The following TRIP12 variants were observed in gnomAD, a reference collection of about 807,000 sequenced individuals.
TRIP12 encodes E3 ubiquitin-protein ligase TRIP12.
Under a neutral mutation model 244.2 loss-of-function variants are expected in TRIP12, and 25 were observed. That is an observed-to-expected ratio of 0.10 (90% CI 0.07 to 0.14). The LOEUF is 0.14. Among genes scored for constraint, TRIP12 ranks in the 10% least tolerant of loss-of-function variants. The pLI, the probability that TRIP12 is intolerant of heterozygous loss-of-function variation, is 1.00. For synonymous variants in TRIP12, 905 were observed against 873.1 expected, an observed-to-expected ratio of 1.04 and a Z score of -0.64; for missense variants, 1,677 against 2,486.4, an observed-to-expected ratio of 0.67 and a Z score of 6.92.
intron 30 of TRIP12, among the ~76,000 whole-genome samples, chr2:229,790,044 G>A (rs776215409): frequency 6.6e-5 from 10 of 152,064 alleles, no homozygotes; most frequent in African/African-American, 9.7e-5. Context: ...AGAAACAATG[G>A]CAAACAGTAA....
intron 4 of TRIP12, among the ~76,000 whole-genome samples, chr2:229,843,171 A>T (rs1019874255): frequency 6.8e-6 from 1 of 146,698 alleles, no homozygotes; most frequent in African/African-American, 2.5e-5. Flanking sequence ...ATTTACCTTT[A>T]TGATGCCACT....
upstream of TRIP12, chr2:229,922,476 C>T (rs769265279): frequency 5.6e-6 from 9 of 1,608,912 alleles, no homozygotes; most frequent in Non-Finnish European, 7.7e-6. Flanking sequence ...AGCCCCGCCC[C>T]TTCCTGGTTG....
chr2:229,887,073 T>C (rs1484443968), intron 1 of TRIP12, among the ~76,000 whole-genome samples: 6 of 152,124 alleles, frequency 3.9e-5, no homozygotes, highest in Non-Finnish European at 7.3e-5. Context: ...AAAATAATTA[T>C]GTATTTACCT....
At chr2:229,896,657 T>A (rs2154366167) in intron 1 of TRIP12, among the ~76,000 whole-genome samples, 1 of 151,990 alleles carries the variant, frequency 6.6e-6, no homozygotes, top group Middle Eastern at 3.4e-3. Flanking sequence ...AGGCAACAAA[T>A]CAGAAAATAA....
At chr2:229,890,029 C>T (rs1232257116) in intron 1 of TRIP12, among the ~76,000 whole-genome samples, 1 of 151,250 alleles carries the variant, frequency 6.6e-6, no homozygotes, top group African/African-American at 2.4e-5. Flanking sequence ...AATATATATT[C>T]TTGTCACTAT....
At chr2:229,878,582 A>C (rs2064119106) in intron 2 of TRIP12, among the ~76,000 whole-genome samples, 1 of 151,646 alleles carries the variant, frequency 6.6e-6, no homozygotes, top group South Asian at 2.1e-4. Context: ...ATTAAAAAAA[A>C]ATTTTTTTTT....
intron 2 of TRIP12, among the ~76,000 whole-genome samples, chr2:229,871,209 G>T (rs1277773742): frequency 7.3e-6 from 1 of 137,862 alleles, no homozygotes; most frequent in Non-Finnish European, 1.6e-5. Context: ...GAGGGGAGGG[G>T]AGGGGACCGG....
intron 8 of TRIP12, 37 bp from the exon 9 acceptor site, chr2:229,818,549 T>C (rs1467085179): frequency 6.4e-7 from 1 of 1,572,782 alleles, no homozygotes; most frequent in Admixed American, 1.7e-5. Context: ...TTTAAACATT[T>C]AAGAAAATTA....
chr2:229,818,538 C>G (rs2049071447), intron 8 of TRIP12, 26 bp from the exon 9 acceptor site: 1 of 1,597,796 alleles, frequency 6.3e-7, no homozygotes, highest in African/African-American at 1.4e-5. Context: ...TAATTATTAT[C>G]TTTAAACATT....
upstream of TRIP12, chr2:229,922,438 T>C: frequency 2.2e-6 from 3 of 1,387,718 alleles, no homozygotes; most frequent in Non-Finnish European, 3.1e-6. Flanking sequence ...CAATTTAAAC[T>C]AGGGTTTTGG....
intron 27 of TRIP12, 110 bp downstream of exon 27, chr2:229,792,863 T>C: frequency 8.5e-7 from 1 of 1,174,214 alleles, no homozygotes; most frequent in Non-Finnish European, 1.2e-6. Flanking sequence ...TCCTGCCATC[T>C]ATTTTTTAAC....
At chr2:229,890,996 G>A (rs1312847239) in intron 1 of TRIP12, among the ~76,000 whole-genome samples, 1 of 152,142 alleles carries the variant, frequency 6.6e-6, no homozygotes, top group African/African-American at 2.4e-5. Flanking sequence ...TAGAATAATA[G>A]GCTGGGTGCA....
At chr2:229,821,025 C>G (rs1559633429) in intron 8 of TRIP12, among the ~76,000 whole-genome samples, 1 of 152,138 alleles carries the variant, frequency 6.6e-6, no homozygotes, top group Non-Finnish European at 1.5e-5. Flanking sequence ...CAAGAGTCAA[C>G]TGTATATAGA....
intron 1 of TRIP12, among the ~76,000 whole-genome samples, chr2:229,892,645 A>G (rs992959804): frequency 6.6e-6 from 1 of 152,106 alleles, no homozygotes; most frequent in Non-Finnish European, 1.5e-5. Context: ...AAAGTGGGCA[A>G]ACTGCTTGAG....
intron 2 of TRIP12, among the ~76,000 whole-genome samples, chr2:229,865,342 A>AAAAAAAAC (rs2061343681): frequency 3.7e-5 from 1 of 26,890 alleles, no homozygotes; most frequent in South Asian, 1.8e-3. Context: ...AAAAAAAAAA[A>AAAAAAAAC]AGAAAGAAAG....
chr2:229,790,278 C>T (rs1158815434), intron 30 of TRIP12, among the ~76,000 whole-genome samples: 1 of 151,918 alleles, frequency 6.6e-6, no homozygotes, highest in Non-Finnish European at 1.5e-5. Context: ...TAAGTAAAGG[C>T]ATCAAAAAAA....
chr2:229,875,100 G>A (rs2063356389), intron 2 of TRIP12, among the ~76,000 whole-genome samples: 1 of 151,982 alleles, frequency 6.6e-6, no homozygotes, highest in African/African-American at 2.4e-5. Context: ...AGAAAAGAGA[G>A]GAACAGGTCA....
intron 2 of TRIP12, among the ~76,000 whole-genome samples, chr2:229,867,794 T>G (rs759506061): frequency 1.3e-5 from 2 of 152,222 alleles, no homozygotes; most frequent in Non-Finnish European, 2.9e-5. Flanking sequence ...GGTTTTCCAG[T>G]ATGCTTATGA....
At chr2:229,899,126 A>T (rs781592037) in intron 1 of TRIP12, among the ~76,000 whole-genome samples, 3 of 152,240 alleles carry the variant, frequency 2.0e-5, no homozygotes, top group African/African-American at 4.8e-5. Flanking sequence ...AACCACAGCC[A>T]TCAAATTTCT....
Sources: allele counts gnomAD v4.1 joint callset (sites outside exome capture counted in the v4.1 genomes callset), GRCh38; gene constraint gnomAD v4.1.1; transcripts MANE v1.5; gene names NCBI Gene and HGNC (gene_info 2026-07-23, HGNC 2026-07-21).